FGF12: variants seen among roughly 807,000 people sequenced by gnomAD.
The protein encoded by FGF12 is fibroblast growth factor 12, also known as fibroblast growth factor 12B.
A neutral mutation model predicts 23.6 loss-of-function variants in FGF12; 14 were observed. The observed-to-expected ratio is 0.59, with a 90% CI of 0.39 to 0.93. FGF12 has a LOEUF of 0.93. Among genes scored for constraint, FGF12 ranks in the 40% least tolerant of loss-of-function variants. The probability of loss-of-function intolerance (pLI) is 0.00; values close to 1 mark genes in which losing one functional copy is unlikely to be tolerated. For synonymous variants in FGF12, 62 were observed against 77.3 expected, an observed-to-expected ratio of 0.80 and a Z score of 1.04; for missense variants, 175 against 217.8, an observed-to-expected ratio of 0.80 and a Z score of 1.24.
chr3:192,452,086 G>C (rs955312454), intron 2 of FGF12, among the ~76,000 whole-genome samples: 3 of 152,112 alleles, frequency 2.0e-5, no homozygotes, highest in African/African-American at 7.2e-5. Flanking sequence ...CCCAATTATA[G>C]CAGAAAAGCA....
chr3:192,651,100 A>G (rs1331513102), intron 2 of FGF12, among the ~76,000 whole-genome samples: 1 of 152,240 alleles, frequency 6.6e-6, no homozygotes, highest in Non-Finnish European at 1.5e-5. Context: ...TAGGAAGTTA[A>G]ATGTGTAAAT....
At chr3:192,455,382 T>C (rs1576992738) in intron 2 of FGF12, among the ~76,000 whole-genome samples, 1 of 152,138 alleles carries the variant, frequency 6.6e-6, no homozygotes, top group African/African-American at 2.4e-5. Flanking sequence ...ACAGAAGCCT[T>C]TGGACCCAAA....
At chr3:192,688,615 G>T (rs924038913) in intron 2 of FGF12, among the ~76,000 whole-genome samples, 5 of 152,150 alleles carry the variant, frequency 3.3e-5, no homozygotes, top group Non-Finnish European at 7.3e-5. Context: ...GGAGATTCAT[G>T]AATTTTATAA....
At chr3:192,681,460 AG>A (rs1717523639) in intron 2 of FGF12, among the ~76,000 whole-genome samples, 1 of 152,186 alleles carries the variant, frequency 6.6e-6, no homozygotes, top group Non-Finnish European at 1.5e-5. Context: ...TCCAGGAGAA[AG>A]TTCTAGACTG....
At chr3:192,625,679 A>G (rs1482218815) in intron 2 of FGF12, among the ~76,000 whole-genome samples, 5 of 152,180 alleles carry the variant, frequency 3.3e-5, no homozygotes, top group Non-Finnish European at 5.9e-5. Flanking sequence ...TTTTTTAAAA[A>G]GTCATATTTT....
intron 2 of FGF12, among the ~76,000 whole-genome samples, chr3:192,495,644 C>T (rs945266977): frequency 6.6e-6 from 1 of 152,098 alleles, no homozygotes; most frequent in Admixed American, 6.6e-5. Flanking sequence ...AAATTGTAAC[C>T]TAGGCCTTTG....
At chr3:192,682,351 C>T (rs549436368) in intron 2 of FGF12, among the ~76,000 whole-genome samples, 7 of 152,098 alleles carry the variant, frequency 4.6e-5, no homozygotes, top group African/African-American at 1.2e-4. Flanking sequence ...AATTTCCGTC[C>T]GGGTCCCAAA....
At chr3:192,220,786 T>A (rs940086265) in intron 4 of FGF12, among the ~76,000 whole-genome samples, 1 of 152,180 alleles carries the variant, frequency 6.6e-6, no homozygotes, top group Non-Finnish European at 1.5e-5. Context: ...TATAAATATG[T>A]TTTTTAAAAG....
At chr3:192,255,490 G>A (rs1477643303) in intron 4 of FGF12, among the ~76,000 whole-genome samples, 1 of 151,956 alleles carries the variant, frequency 6.6e-6, no homozygotes, top group Non-Finnish European at 1.5e-5. Context: ...TCAATGCACA[G>A]TAGGGATCAT....
At position 192,473,026 on chromosome 3, in the gene FGF12, G is replaced by A. The variant is rs759055351; in HGVS notation, c.14-112488C>T. 4.6e-5 allele frequency among the ~76,000 whole-genome samples: 7 copies of A among 151,918 alleles called. No homozygotes were observed. The South Asian group carries it at 6.2e-4, about 14-fold the overall frequency. The stretch of plus-strand genomic sequence containing the variant: ...ATTTAGCCATTTTCTCTTTAATGCC[G>A]TTTCTGTACTTGAAAAAACTTCTAC... On this transcript the variant is annotated intron_variant, in intron 2 of 5. Coordinates refer to ENST00000445105, the MANE Select transcript of FGF12 (RefSeq NM_004113.6).
intron 4 of FGF12, among the ~76,000 whole-genome samples, chr3:192,300,695 G>C (rs565789818): frequency 3.9e-5 from 6 of 152,040 alleles, no homozygotes; most frequent in African/African-American, 1.4e-4. Flanking sequence ...AGACTGCCAA[G>C]TTGATCCATG....
intron 3 of FGF12, among the ~76,000 whole-genome samples, chr3:192,338,584 T>C (rs868385185): frequency 1.3e-5 from 2 of 152,098 alleles, no homozygotes; most frequent in South Asian, 2.1e-4. Context: ...AATGGGGATA[T>C]GGTAGCTGGA....
chr3:192,680,237 G>T (rs1250991633), intron 2 of FGF12, among the ~76,000 whole-genome samples: 3 of 152,110 alleles, frequency 2.0e-5, no homozygotes, highest in African/African-American at 7.2e-5. Flanking sequence ...ACCTTATTTT[G>T]AACAAAGAGC....
rs571489925 is a variant in FGF12 at position 192,415,476 on chromosome 3, T to C, written c.14-54938A>G. On this transcript the variant is annotated intron_variant, in intron 2 of 5. Transcript: ENST00000445105. ...CACCCAGATTTTTGAGCCAAATAGA[T>C]GCATGGGTCATCCCAAAGTGAAGAA... Among the ~76,000 whole-genome samples the C allele has an allele frequency of 3.3e-5, 5 of 152,236 alleles. No homozygotes were observed. In the South Asian group the frequency reaches 1.0e-3, roughly 32 times the overall value.
At chr3:192,660,159 A>T (rs1577105190) in intron 2 of FGF12, among the ~76,000 whole-genome samples, 1 of 151,744 alleles carries the variant, frequency 6.6e-6, no homozygotes, top group Non-Finnish European at 1.5e-5. Context: ...GCACATATAC[A>T]CCATGGAATA....
At chr3:192,189,094 C>G (rs1233178141) in intron 4 of FGF12, among the ~76,000 whole-genome samples, 3 of 152,196 alleles carry the variant, frequency 2.0e-5, no homozygotes, top group Admixed American at 2.0e-4. Context: ...CAAAGAACTA[C>G]TTGACATTTC....
At chr3:192,495,295 T>C (rs1723920846) in intron 2 of FGF12, among the ~76,000 whole-genome samples, 1 of 152,200 alleles carries the variant, frequency 6.6e-6, no homozygotes, top group Non-Finnish European at 1.5e-5. Context: ...CTTATATATA[T>C]GTATGTGAAT....
chr3:192,726,793 C>G, intron 2 of FGF12: 1 of 229,576 alleles, frequency 4.4e-6, no homozygotes, highest in Non-Finnish European at 8.6e-6. Flanking sequence ...TATTGGATAT[C>G]AGGTACAAAC....
chr3:192,169,768 A>G (rs989024375), intron 5 of FGF12, among the ~76,000 whole-genome samples: 1 of 151,102 alleles, frequency 6.6e-6, no homozygotes, highest in Non-Finnish European at 1.5e-5. Flanking sequence ...CCCAAATGAT[A>G]TGCTCTCATC....
Sources: gnomAD v4.1 joint callset for allele counts (sites outside exome capture counted in the v4.1 genomes callset) on GRCh38, gnomAD v4.1.1 for gene constraint, MANE v1.5 for transcripts, NCBI Gene and HGNC (gene_info 2026-07-23, HGNC 2026-07-21) for gene names.